Variants in CHSY3 observed in about 807,000 individuals in gnomAD.
CHSY3 encodes N-acetylgalactosaminyl-proteoglycan 3-beta-glucuronosyltransferase 3.
A neutral mutation model predicts 67.2 loss-of-function variants in CHSY3; 35 were observed. That is an observed-to-expected ratio of 0.52 (90% CI 0.40 to 0.69). The LOEUF (loss-of-function observed/expected upper bound fraction) is 0.69, where lower values mean the gene tolerates loss of function less well. CHSY3 is among the 30% of genes least tolerant of loss of function. The pLI is 0.00. For synonymous variants in CHSY3, 474 were observed against 434.7 expected, an observed-to-expected ratio of 1.09 and a Z score of -1.12; for missense variants, 1,069 against 1,138.5, an observed-to-expected ratio of 0.94 and a Z score of 0.88.
chr5:129,985,115 G>A (rs1333931851), intron 2 of CHSY3, among the ~76,000 whole-genome samples: 1 of 152,174 alleles, frequency 6.6e-6, no homozygotes, highest in African/African-American at 2.4e-5. Flanking sequence ...GCCCCAGATA[G>A]TATTTCCTAA....
In CHSY3 at chr5:130,121,279, T is replaced by A. The variant is rs1320249298; in HGVS notation, c.1087-62950T>A. 2.6e-5 allele frequency among the ~76,000 whole-genome samples: 4 copies of A among 152,148 alleles called. No individual in the cohort carries two copies. The East Asian group carries it at 7.7e-4, about 29-fold the overall frequency. On this transcript the variant is annotated intron_variant, in intron 2 of 2. Coordinates refer to ENST00000305031, the MANE Select transcript of CHSY3 (RefSeq NM_175856.5). Reference sequence around the variant, plus strand: ...TAGCATATAATAGGGGCTGCATGAATAAATGCTGACTGGATGGGTAAATGG... The same window carrying A: ...TAGCATATAATAGGGGCTGCATGAAAAAATGCTGACTGGATGGGTAAATGG...
chr5:129,914,152 C>T (rs1382220505), intron 2 of CHSY3, among the ~76,000 whole-genome samples: 1 of 152,128 alleles, frequency 6.6e-6, no homozygotes, highest in Non-Finnish European at 1.5e-5. Flanking sequence ...CTCTTGTCGT[C>T]CAGGCTGGAG....
At chr5:130,003,714 A>G (rs1580638332) in intron 2 of CHSY3, among the ~76,000 whole-genome samples, 1 of 152,186 alleles carries the variant, frequency 6.6e-6, no homozygotes, top group African/African-American at 2.4e-5. Context: ...AAGTTCCTCT[A>G]TAGGCAATTT....
chr5:130,002,141 A>G (rs1419530722), intron 2 of CHSY3: 9 of 880,048 alleles, frequency 1.0e-5, no homozygotes, highest in Non-Finnish European at 1.2e-5. Context: ...CCCTTGAGAG[A>G]ATCATTCAGG....
At chr5:130,113,249 T>G (rs1383688015) in intron 2 of CHSY3, among the ~76,000 whole-genome samples, 1 of 152,156 alleles carries the variant, frequency 6.6e-6, no homozygotes, top group Non-Finnish European at 1.5e-5. Context: ...CTTCCAGTAA[T>G]ATTTCAGCTG....
intron 2 of CHSY3, among the ~76,000 whole-genome samples, chr5:129,981,763 G>T (rs549738434): frequency 9.2e-5 from 14 of 152,196 alleles, no homozygotes; most frequent in Admixed American, 2.6e-4. Flanking sequence ...GGAGTGAGGG[G>T]ATATCCTTGC....
rs142570855 is a variant in CHSY3 at position 129,994,598 on chromosome 5, G to A, written c.1086+86238G>A. Among the ~76,000 whole-genome samples the A allele has an allele frequency of 3.4e-3, 518 of 152,088 alleles. 2 individuals carry two copies. Among genetic ancestry groups the A allele is most frequent in the Admixed American group, 5.1e-3 (77 of 15,226 alleles). ...TGCTGCTATAAAGACACATGCACAC[G>A]TGTGTTTATTGTGGCACTATTCGCA... On this transcript the variant is annotated intron_variant, in intron 2 of 2. Transcript: ENST00000305031.
chr5:130,163,627 G>A (rs1769630157), intron 2 of CHSY3, among the ~76,000 whole-genome samples: 1 of 151,910 alleles, frequency 6.6e-6, no homozygotes, highest in African/African-American at 2.4e-5. Context: ...ATTAAATTTT[G>A]CCATACTGAA....
chr5:129,908,354 T>C lies in CHSY3; in HGVS notation c.1080T>C (p.Ser360=). The change falls in exon 2 of 3, where the codon TCT becomes TCC. Residue 360 remains serine (S), a synonymous_variant. Transcript: ENST00000305031. ...RRFGGTQCVW[S]YEMQQLFHEN... is the part of the protein sequence containing the mutation. The stretch of plus-strand genomic sequence containing the variant: ...TTGGTGGGACTCAGTGTGTCTGGTC[T>C]TACGAGGTAAGCATGGAGCTGTGAT... The C allele has an allele frequency of 1.2e-6, 2 of 1,613,896 alleles. No homozygotes were observed. The highest frequency in any genetic ancestry group is 1.1e-5 in the South Asian group (1 of 91,066).
chr5:130,161,762 G>A (rs1472478592), intron 2 of CHSY3, among the ~76,000 whole-genome samples: 2 of 152,078 alleles, frequency 1.3e-5, no homozygotes, highest in African/African-American at 4.8e-5. Flanking sequence ...GAACTGGCCA[G>A]GTACAGTGGG....
At chr5:129,939,327 G>C (rs2149593526) in intron 2 of CHSY3, among the ~76,000 whole-genome samples, 1 of 152,234 alleles carries the variant, frequency 6.6e-6, no homozygotes, top group African/African-American at 2.4e-5. Context: ...TGGGGACACA[G>C]AGCCAAACCA....
At chr5:130,032,509 A>G (rs75314583) in intron 2 of CHSY3, among the ~76,000 whole-genome samples, 2,437 of 152,188 alleles carry the variant, frequency 0.016, 53 homozygotes, top group African/African-American at 0.054. Context: ...AAAATGGTGC[A>G]TGTTGCTATC....
chr5:130,162,175 A>T (rs1769572416), intron 2 of CHSY3, among the ~76,000 whole-genome samples: 1 of 152,242 alleles, frequency 6.6e-6, no homozygotes, highest in South Asian at 2.1e-4. Context: ...TTTGTGATAT[A>T]AAAAAGTCAT....
intron 2 of CHSY3, among the ~76,000 whole-genome samples, chr5:130,179,618 A>G (rs916793222): frequency 6.6e-6 from 1 of 151,912 alleles, no homozygotes; most frequent in Non-Finnish European, 1.5e-5. Context: ...TTTGTTGTTT[A>G]TGAAGATAGA....
chr5:130,061,505 T>C (rs538328318), intron 2 of CHSY3, among the ~76,000 whole-genome samples: 2 of 152,218 alleles, frequency 1.3e-5, no homozygotes, highest in South Asian at 4.1e-4. Flanking sequence ...GCAAAGAATT[T>C]ATGATGAAGA....
chr5:130,032,293 G>A (rs558891384), intron 2 of CHSY3, among the ~76,000 whole-genome samples: 2 of 152,070 alleles, frequency 1.3e-5, no homozygotes, highest in South Asian at 4.2e-4. Flanking sequence ...TCATAAATTA[G>A]TTGTTTGGAA....
chr5:130,173,148 G>T (rs1037837390), intron 2 of CHSY3, among the ~76,000 whole-genome samples: 4 of 151,524 alleles, frequency 2.6e-5, no homozygotes, highest in African/African-American at 9.7e-5. Flanking sequence ...AAGAAAAAAG[G>T]CAGCAACAAA....
intron 2 of CHSY3, among the ~76,000 whole-genome samples, chr5:130,060,671 C>T (rs1007947755): frequency 2.6e-5 from 4 of 152,066 alleles, no homozygotes; most frequent in African/African-American, 9.7e-5. Context: ...CTAAAGACTC[C>T]TCCAAAAGAC....
rs555469142 is a variant in CHSY3 at position 130,172,790 on chromosome 5, C to T, written c.1087-11439C>T. On this transcript the variant is annotated intron_variant, in intron 2 of 2. Coordinates refer to ENST00000305031, the MANE Select transcript of CHSY3 (RefSeq NM_175856.5). ...ACTCCAGTCCCTGGCAACTGCCATT[C>T]TATTTTCTATTTCTATAAATTTGAC... Among the ~76,000 whole-genome samples, 21 of 152,286 alleles carry T rather than the reference C, an allele frequency of 1.4e-4. No individual in the cohort carries two copies. In the South Asian group the frequency reaches 3.5e-3, roughly 26 times the overall value.
Sources: allele counts gnomAD v4.1 joint callset (sites outside exome capture counted in the v4.1 genomes callset), GRCh38; gene constraint gnomAD v4.1.1; transcripts MANE v1.5; gene names NCBI Gene and HGNC (gene_info 2026-07-23, HGNC 2026-07-21).